The following RNMT variants were observed in gnomAD, a reference collection of about 807,000 sequenced individuals.
The protein encoded by RNMT is mRNA cap guanine-N(7) methyltransferase.
RNMT carries 27 observed loss-of-function variants against 56.0 expected under a neutral mutation model. The observed-to-expected ratio is 0.48, with a 90% CI of 0.36 to 0.67. RNMT has a LOEUF of 0.67. RNMT is among the 30% of genes least tolerant of loss of function. RNMT has a pLI of 0.00. For missense variants in RNMT, 519 were observed against 552.1 expected (o/e 0.94, Z 0.60); for synonymous variants, 184 against 176.2 (o/e 1.04, Z -0.35).
At chr18:13,742,705 A>G in intron 8 of RNMT, 53 bp downstream of exon 8, 1 of 1,297,374 alleles carries the variant, frequency 7.7e-7, no homozygotes, top group Non-Finnish European at 1.1e-6. Flanking sequence ...AGGGAAAGAA[A>G]AGCGGGGAAA....
At position 13,744,159 on chromosome 18, in the gene RNMT, C is replaced by CTTTTTTTTTTTTTTTT. The variant is rs201093998; in HGVS notation, c.1139+1518_1139+1533dup. 4.7e-3 allele frequency among the ~76,000 whole-genome samples: 430 copies of CTTTTTTTTTTTTTTTT among 91,366 alleles called. 86 individuals are homozygous for CTTTTTTTTTTTTTTTT. Among genetic ancestry groups the CTTTTTTTTTTTTTTTT allele is most frequent in the Non-Finnish European group, 6.1e-3 (281 of 45,794 alleles). The allele number at this position is 91,366 out of a possible 152,430, so 59.9% of individuals were successfully genotyped here. ...ATGCTAAACAAGACCTAGCGGTCTT[C>CTTTTTTTTTTTTTTTT]TTTTTTTTTTTTTTTTTTTTTTTTT... On this transcript the variant is annotated intron_variant, in intron 8 of 11. Coordinates refer to ENST00000383314, the MANE Select transcript of RNMT (RefSeq NM_003799.3).
chr18:13,753,968 G>A, intron 10 of RNMT, 146 bp from the exon 11 acceptor site: 1 of 574,098 alleles, frequency 1.7e-6, no homozygotes, highest in Middle Eastern at 3.7e-4. Flanking sequence ...TATATGCTCA[G>A]GTCACAATAT....
chr18:13,737,080 A>G lies in RNMT; in HGVS notation c.624A>G (p.Lys208=), dbSNP rs1175652935. ...DITVLDLGCG[K]GGDLLKWKKG... is the part of the protein sequence containing the mutation. ...CTGTTTTGGACCTGGGATGTGGTAA[A>G]GGTGGAGATTTGCTGAAATGGAAAA... is the stretch of plus-strand genomic sequence containing the variant. Residue 208 remains lysine (K), a synonymous_variant, in exon 5 of 12, where the codon AAA becomes AAG. Coordinates refer to ENST00000383314, the MANE Select transcript of RNMT (RefSeq NM_003799.3). 3.1e-6 allele frequency: 5 copies of G among 1,613,482 alleles called. No individual in the cohort carries two copies. The highest frequency in any genetic ancestry group is 1.3e-5 in the African/African-American group (1 of 75,018).
At chr18:13,752,127 T>C (rs2044459128) in intron 9 of RNMT, among the ~76,000 whole-genome samples, 199 bp from the exon 10 acceptor site, 1 of 152,144 alleles carries the variant, frequency 6.6e-6, no homozygotes, top group Non-Finnish European at 1.5e-5. Context: ...TAGTATAATA[T>C]TTAAAAAAAA....
rs2044349999 is a variant in RNMT at position 13,746,245 on chromosome 18, C to G, written c.1165C>G (p.Leu389Val). ...NEMAKKYNMK[L>V]VYKKTFLEFY... Reference sequence around the variant, plus strand: ...AATGGCAAAGAAGTACAATATGAAACTAGTCTACAAAAAAACATTTCTGGA... The same window carrying G: ...AATGGCAAAGAAGTACAATATGAAAGTAGTCTACAAAAAAACATTTCTGGA... Residue 389 changes from leucine (L) to valine (V), a missense_variant, in exon 9 of 12, where the codon CTA becomes GTA. Physicochemically the swap from Leu to Val is conservative, Grantham distance 32. Transcript: ENST00000383314. 3 of 1,534,536 alleles carry G rather than the reference C, an allele frequency of 2.0e-6. No homozygotes were observed. Among genetic ancestry groups the G allele is most frequent in the South Asian group, 1.2e-5 (1 of 86,660 alleles).
Position 13,762,291 on chromosome 18 carries a change from C to T in RNMT, c.*2312C>T. The T allele has an allele frequency of 1.9e-6, 2 of 1,070,270 alleles. No homozygotes were observed. The highest frequency in any genetic ancestry group is 2.6e-6 in the Non-Finnish European group (2 of 764,892). 66.3% of individuals were successfully genotyped at this position (1,070,270 alleles called of 1,614,324 possible). On this transcript the variant is annotated 3_prime_UTR_variant, in exon 12 of 12. Transcript: ENST00000383314. ...AATGCTGATGTTGAATTCTTTGGGC[C>T]TAGAATATACTTGAGAAAGCACTAG...
chr18:13,754,600 C>G (rs2044512280), intron 11 of RNMT, among the ~76,000 whole-genome samples: 2 of 152,210 alleles, frequency 1.3e-5, no homozygotes, highest in African/African-American at 4.8e-5. Context: ...TATGTCTAAT[C>G]CTCCTTTCTT....
At chr18:13,728,415 A>C (rs1454474823) in intron 1 of RNMT, among the ~76,000 whole-genome samples, 1 of 143,260 alleles carries the variant, frequency 7.0e-6, no homozygotes, top group Admixed American at 7.5e-5. Context: ...AGCTCACTGC[A>C]ACCTCCACCT....
chr18:13,743,372 A>G (rs2044291625), intron 8 of RNMT, among the ~76,000 whole-genome samples: 1 of 150,528 alleles, frequency 6.6e-6, no homozygotes, highest in South Asian at 2.1e-4. Context: ...AAATAAATAA[A>G]TCAAAGATCC....
chr18:13,743,655 C>T (rs2044296439), intron 8 of RNMT, among the ~76,000 whole-genome samples: 1 of 151,862 alleles, frequency 6.6e-6, no homozygotes, highest in African/African-American at 2.4e-5. Context: ...TAAATGTAGG[C>T]CATGTCATGA....
chr18:13,749,746 AG>A (rs2044409903), intron 9 of RNMT, among the ~76,000 whole-genome samples: 6 of 152,096 alleles, frequency 3.9e-5, no homozygotes, highest in Middle Eastern at 3.2e-3. Flanking sequence ...TTGGGGAGAC[AG>A]AGTCTCGCTC....
intron 8 of RNMT, among the ~76,000 whole-genome samples, chr18:13,743,317 C>A (rs529074483): frequency 3.3e-5 from 2 of 61,102 alleles, no homozygotes; most frequent in African/African-American, 6.9e-5. Context: ...AGCGAAACTC[C>A]GTCTCAAAAA....
At chr18:13,759,627 A>G (rs889209830) in intron 11 of RNMT, among the ~76,000 whole-genome samples, 3 of 151,914 alleles carry the variant, frequency 2.0e-5, no homozygotes, top group Admixed American at 6.6e-5. Flanking sequence ...TTAATTTGTT[A>G]TACTTCTAAT....
At position 13,746,287 on chromosome 18, in the gene RNMT, A is replaced by T. The variant is rs770957267; in HGVS notation, c.1207A>T (p.Ile403Phe). The T allele has an allele frequency of 8.9e-6, 14 of 1,575,772 alleles. No homozygotes were observed. In the South Asian group the frequency reaches 1.6e-4, roughly 18 times the overall value. ...KTFLEFYEEK[I>F]KNNENKMLLK... ...ATTTCTGGAATTCTACGAAGAAAAGATTAAGAACAATGAAAATAAAATGCT... is the reference window on the plus strand; with the variant it reads ...ATTTCTGGAATTCTACGAAGAAAAGTTTAAGAACAATGAAAATAAAATGCT... The change falls in exon 9 of 12, where the codon ATT becomes TTT. Residue 403 changes from isoleucine to phenylalanine, a missense_variant. Coordinates refer to ENST00000383314, the MANE Select transcript of RNMT (RefSeq NM_003799.3).
At chr18:13,743,322 CAAAA>C (rs55940639) in intron 8 of RNMT, among the ~76,000 whole-genome samples, 4 of 28,210 alleles carry the variant, frequency 1.4e-4, no homozygotes, top group South Asian at 1.8e-3. Flanking sequence ...AACTCCGTCT[CAAAA>C]AAAAAATAAA....
chr18:13,728,300 CTTTTTTTTTTTTT>C (rs1204415985), intron 1 of RNMT, among the ~76,000 whole-genome samples: 2 of 109,620 alleles, frequency 1.8e-5, no homozygotes, highest in East Asian at 2.8e-4. Context: ...TCATCAGCAT[CTTTTTTTTTTTTT>C]TTTTTTTTTT....
chr18:13,760,547 AATC>A lies in RNMT; in HGVS notation c.*571_*573del. On this transcript the variant is annotated 3_prime_UTR_variant, in exon 12 of 12. Coordinates refer to ENST00000383314, the MANE Select transcript of RNMT (RefSeq NM_003799.3). ...TTAGCAATTTATTGCATTTTGAAAT[AATC>A]ATTAACATGCTGCAATTCAGGAGCT... 1.0e-6 allele frequency: 1 copy of A among 985,830 alleles called. No individual in the cohort carries two copies. Among genetic ancestry groups the A allele is most frequent in the Non-Finnish European group, 1.2e-6 (1 of 829,910 alleles). 61.1% of individuals were successfully genotyped at this position (985,830 alleles called of 1,614,324 possible).
Position 13,741,572 on chromosome 18 carries a change from T to C in RNMT, c.855T>C (p.Phe285=), listed in dbSNP as rs1280886039. Residue 285 remains phenylalanine (F), a synonymous_variant, in exon 7 of 12, where the codon TTT becomes TTC. Transcript: ENST00000383314. Reference sequence around the variant, plus strand: ...GTTTTGACATCTGCAGTTGTCAGTTTGTCTGTCATTACTCATTTGAGTCTT... The same window carrying C: ...GTTTTGACATCTGCAGTTGTCAGTTCGTCTGTCATTACTCATTTGAGTCTT... The part of the protein sequence containing the change: ...QMCFDICSCQ[F]VCHYSFESYE... 1.2e-6 allele frequency: 2 copies of C among 1,613,992 alleles called. No homozygotes were observed. Among genetic ancestry groups the C allele is most frequent in the South Asian group, 1.1e-5 (1 of 91,058 alleles).
chr18:13,737,036 A>G lies in RNMT; in HGVS notation c.580A>G (p.Lys194Glu). ...IGEFLEKVRQ[K>E]KKRDITVLDL... is the part of the protein sequence containing the mutation. ...AGAATTTTTGGAAAAGGTACGACAG[A>G]AGAAAAAACGTGATATCACTGTTTT... is the stretch of plus-strand genomic sequence containing the variant. Residue 194 changes from lysine to glutamate, a missense_variant, in exon 5 of 12, where the codon AAG becomes GAG. Transcript: ENST00000383314. 1.2e-6 allele frequency: 2 copies of G among 1,613,658 alleles called. No homozygotes were observed. The highest frequency in any genetic ancestry group is 1.7e-6 in the Non-Finnish European group (2 of 1,179,748).
Sources: allele counts gnomAD v4.1 joint callset (sites outside exome capture counted in the v4.1 genomes callset), GRCh38; gene constraint gnomAD v4.1.1; transcripts MANE v1.5; gene names NCBI Gene and HGNC (gene_info 2026-07-23, HGNC 2026-07-21).